The following CSMD1 variants were observed in gnomAD, a reference collection of about 807,000 sequenced individuals.
CSMD1 encodes CUB and sushi domain-containing protein 1.
Under a neutral mutation model 417.5 loss-of-function variants are expected in CSMD1, and 213 were observed. That is an observed-to-expected ratio of 0.51 (90% CI 0.46 to 0.57). CSMD1 has a LOEUF of 0.57. CSMD1 is among the 20% of genes least tolerant of loss of function. The probability of loss-of-function intolerance (pLI) is 0.00; values close to 1 mark genes in which losing one functional copy is unlikely to be tolerated. For synonymous variants in CSMD1, 2,862 were observed against 1,736.8 expected (o/e 1.65, Z -16.11); for missense variants, 6,923 against 4,529.7 (o/e 1.53, Z -15.17).
intron 1 of CSMD1, among the ~76,000 whole-genome samples, chr8:4,876,469 G>C (rs73503887): frequency 0.014 from 2,132 of 152,122 alleles, 20 homozygotes; most frequent in African/African-American, 0.017. Context: ...TTTAAAAATT[G>C]TACACTTAGT....
chr8:3,651,812 CATCA>C, intron 7 of CSMD1, among the ~76,000 whole-genome samples: 2 of 151,772 alleles, frequency 1.3e-5, no homozygotes, highest in South Asian at 2.1e-4. Context: ...CACTTACCAC[CATCA>C]GAGCACCCAC....
intron 11 of CSMD1, among the ~76,000 whole-genome samples, chr8:3,490,255 G>C (rs1219204888): frequency 6.6e-6 from 1 of 152,102 alleles, no homozygotes; most frequent in Non-Finnish European, 1.5e-5. Context: ...GATTCAGTTG[G>C]CTGTTTAGTT....
intron 49 of CSMD1, among the ~76,000 whole-genome samples, chr8:3,073,645 T>C (rs537254086): frequency 6.6e-6 from 1 of 152,168 alleles, no homozygotes; most frequent in African/African-American, 2.4e-5. Flanking sequence ...TTTCAATTCA[T>C]AGACTATAAA....
chr8:4,535,787 T>G (rs1038918826), intron 2 of CSMD1, among the ~76,000 whole-genome samples: 11 of 152,176 alleles, frequency 7.2e-5, no homozygotes, highest in Non-Finnish European at 1.6e-4. Context: ...GACTTTTCAG[T>G]GGAGCTATAA....
At chr8:3,541,121 A>C (rs1019954418) in intron 10 of CSMD1, among the ~76,000 whole-genome samples, 5 of 152,240 alleles carry the variant, frequency 3.3e-5, no homozygotes, top group Non-Finnish European at 7.3e-5. Flanking sequence ...AAAGACATGG[A>C]ATCAACCCAA....
chr8:3,201,604 A>C lies in CSMD1; in HGVS notation c.5098+8T>G. ...ACTAAATTAAGGGCAAAATTCTTTA[A>C]GACTTACCTGAGTGAGACCCCGAGA... is the stretch of plus-strand genomic sequence containing the variant. On this transcript the variant is annotated splice_region_variant and intron_variant, in intron 32 of 69. Transcript: ENST00000635120. 6.4e-7 allele frequency: 1 copy of C among 1,561,230 alleles called. No homozygotes were observed. Among genetic ancestry groups the C allele is most frequent in the South Asian group, 1.2e-5 (1 of 85,690 alleles).
intron 57 of CSMD1, among the ~76,000 whole-genome samples, chr8:2,970,156 C>G (rs1006836949): frequency 1.3e-5 from 2 of 152,120 alleles, no homozygotes; most frequent in South Asian, 2.1e-4. Context: ...CAATTAAGCT[C>G]TCATTCAAAT....
intron 36 of CSMD1, among the ~76,000 whole-genome samples, chr8:3,181,769 A>G (rs1821343197): frequency 6.6e-6 from 1 of 152,214 alleles, no homozygotes; most frequent in Admixed American, 6.5e-5. Context: ...CTATTTTGAC[A>G]TAGTGATTTC....
intron 5 of CSMD1, among the ~76,000 whole-genome samples, chr8:3,984,704 C>CATATATATATAT (rs59669026): frequency 9.7e-5 from 8 of 82,840 alleles, no homozygotes; most frequent in East Asian, 3.3e-4. Flanking sequence ...GTGTATATAT[C>CATATATATATAT]ATATATATAT....
At chr8:4,863,233 T>C (rs1464805144) in intron 1 of CSMD1, among the ~76,000 whole-genome samples, 3 of 152,084 alleles carry the variant, frequency 2.0e-5, no homozygotes, top group Admixed American at 6.5e-5. Context: ...GGAAAAATAA[T>C]CATGTGTTTT....
intron 3 of CSMD1, among the ~76,000 whole-genome samples, chr8:4,333,285 C>T (rs969003528): frequency 3.9e-5 from 6 of 152,084 alleles, no homozygotes; most frequent in African/African-American, 1.4e-4. Flanking sequence ...AAGTCCTCAC[C>T]TGAAAGAAGC....
intron 5 of CSMD1, among the ~76,000 whole-genome samples, chr8:3,926,344 C>G (rs1346273164): frequency 2.0e-5 from 3 of 151,594 alleles, no homozygotes; most frequent in Non-Finnish European, 4.4e-5. Context: ...TTTATTTTAT[C>G]TTATCTTATT....
intron 5 of CSMD1, among the ~76,000 whole-genome samples, chr8:3,799,657 T>C (rs766309246): frequency 6.6e-6 from 1 of 152,012 alleles, no homozygotes; most frequent in South Asian, 2.1e-4. Context: ...AAACAAGTTA[T>C]GTATTTGAGG....
rs746268570 is a variant in CSMD1, at chr8:3,712,375, G to GGAGAGA, written c.932-3890_932-3885dup. Among the ~76,000 whole-genome samples the GGAGAGA allele has an allele frequency of 2.6e-3, 291 of 112,344 alleles. 1 individual carries two copies. The highest frequency in any genetic ancestry group is 4.1e-3 in the Admixed American group (45 of 10,996). 73.7% of individuals were successfully genotyped at this position (112,344 alleles called of 152,430 possible). ...AGAGATTTTCATTTGCAAAGAAACA[G>GGAGAGA]GAGAGAGAGAGAGAGAGAGAGAGAG... On this transcript the variant is annotated intron_variant, in intron 6 of 69. Transcript: ENST00000635120.
At chr8:4,826,213 T>G (rs970381749) in intron 1 of CSMD1, among the ~76,000 whole-genome samples, 3 of 152,004 alleles carry the variant, frequency 2.0e-5, no homozygotes, top group Non-Finnish European at 4.4e-5. Flanking sequence ...TATTCACAAT[T>G]GTCAAGACAT....
At chr8:4,009,462 G>C (rs934727731) in intron 4 of CSMD1, among the ~76,000 whole-genome samples, 1 of 152,112 alleles carries the variant, frequency 6.6e-6, no homozygotes, top group African/African-American at 2.4e-5. Flanking sequence ...AATAAGCTAT[G>C]ATACATTCAA....
At chr8:3,714,420 A>C (rs554478118) in intron 6 of CSMD1, among the ~76,000 whole-genome samples, 2 of 151,524 alleles carry the variant, frequency 1.3e-5, no homozygotes, top group South Asian at 4.2e-4. Flanking sequence ...ATTTGGGAAA[A>C]CAGTGTATTT....
chr8:3,197,814 T>C (rs573632516), intron 33 of CSMD1, among the ~76,000 whole-genome samples: 1 of 152,214 alleles, frequency 6.6e-6, no homozygotes, highest in African/African-American at 2.4e-5. Flanking sequence ...AGAAGCAATG[T>C]TCCATTTAAC....
At chr8:3,738,810 G>T (rs962531091) in intron 6 of CSMD1, among the ~76,000 whole-genome samples, 8 of 152,266 alleles carry the variant, frequency 5.3e-5, no homozygotes, top group Admixed American at 1.3e-4. Context: ...AGGCTCACAC[G>T]CGTGACACCA....
Sources: gnomAD v4.1 joint callset for allele counts (sites outside exome capture counted in the v4.1 genomes callset) on GRCh38, gnomAD v4.1.1 for gene constraint, MANE v1.5 for transcripts, NCBI Gene and HGNC (gene_info 2026-07-23, HGNC 2026-07-21) for gene names.